Variants in PPP3CA observed in about 807,000 individuals in gnomAD.
The protein encoded by PPP3CA is protein phosphatase 3 catalytic subunit alpha.
In PPP3CA, 14 loss-of-function variants were observed where a neutral mutation model predicts 66.5. That is an observed-to-expected ratio of 0.21 (90% confidence interval 0.14 to 0.33). PPP3CA has a LOEUF of 0.33. Among genes scored for constraint, PPP3CA ranks in the 10% least tolerant of loss-of-function variants. PPP3CA has a pLI of 1.00. For synonymous variants in PPP3CA, 232 were observed against 226.2 expected, an observed-to-expected ratio of 1.03 and a Z score of -0.23; for missense variants, 317 against 639.5, an observed-to-expected ratio of 0.50 and a Z score of 5.44.
In PPP3CA at chr4:101,256,204, T is replaced by A. The variant is rs955566231; in HGVS notation, c.59-60088A>T. On this transcript the variant is annotated intron_variant, in intron 1 of 13. Coordinates refer to ENST00000394854, the MANE Select transcript of PPP3CA (RefSeq NM_000944.5). The stretch of plus-strand genomic sequence containing the variant: ...TGCTATTAGCACAATAAAAATGCTA[T>A]ATTAGTTTGCTCTCTGAATAGAGTC... 2.0e-5 allele frequency among the ~76,000 whole-genome samples: 3 copies of A among 151,692 alleles called. No individual in the cohort carries two copies. The South Asian group carries it at 6.2e-4, about 31-fold the overall frequency.
chr4:101,251,688 A>G (rs1406604420), intron 1 of PPP3CA, among the ~76,000 whole-genome samples: 1 of 152,136 alleles, frequency 6.6e-6, no homozygotes, highest in Non-Finnish European at 1.5e-5. Flanking sequence ...ATACTAACCA[A>G]TTACAACTAT....
intron 1 of PPP3CA, 129 bp downstream of exon 1, chr4:101,346,610 A>G: frequency 1.2e-6 from 1 of 807,492 alleles, no homozygotes; most frequent in South Asian, 1.7e-5. Flanking sequence ...ACAATATCCT[A>G]GAAGGTCCGC....
At chr4:101,044,745 T>C (rs1185363151) in intron 10 of PPP3CA, among the ~76,000 whole-genome samples, 1 of 152,160 alleles carries the variant, frequency 6.6e-6, no homozygotes, top group Non-Finnish European at 1.5e-5. Context: ...TTCCTCAACA[T>C]GGGGGAGGCT....
intron 1 of PPP3CA, among the ~76,000 whole-genome samples, chr4:101,224,112 G>T (rs184294308): frequency 6.6e-6 from 1 of 151,862 alleles, no homozygotes; most frequent in African/African-American, 2.4e-5. Context: ...CATGTTGGGT[G>T]ACCACAAATT....
chr4:101,295,024 G>A lies in PPP3CA; in HGVS notation c.58+51715C>T, dbSNP rs576844020. 6.4e-4 allele frequency among the ~76,000 whole-genome samples: 97 copies of A among 152,188 alleles called. 1 individual carries two copies. The highest frequency in any genetic ancestry group is 3.4e-3 in the Middle Eastern group (1 of 294). Reference sequence around the variant, plus strand: ...GTGTGAAAGTATATTCACTCGGGCCGGGCGCGGTGGCTCACGCCTGTAATC... The same window carrying A: ...GTGTGAAAGTATATTCACTCGGGCCAGGCGCGGTGGCTCACGCCTGTAATC... On this transcript the variant is annotated intron_variant, in intron 1 of 13. Coordinates refer to ENST00000394854, the MANE Select transcript of PPP3CA (RefSeq NM_000944.5).
intron 2 of PPP3CA, among the ~76,000 whole-genome samples, chr4:101,141,377 C>A (rs542985953): frequency 1.3e-5 from 2 of 152,138 alleles, no homozygotes; most frequent in Non-Finnish European, 2.9e-5. Flanking sequence ...CTCAAAAAAA[C>A]AAACAAAAAA....
chr4:101,156,286 C>T (rs1022715320), intron 2 of PPP3CA, among the ~76,000 whole-genome samples: 1 of 151,778 alleles, frequency 6.6e-6, no homozygotes, highest in Non-Finnish European at 1.5e-5. Context: ...CATGTGAAGC[C>T]CAGAAGGCAT....
chr4:101,151,589 T>C (rs1415120811), intron 2 of PPP3CA, among the ~76,000 whole-genome samples: 2 of 150,566 alleles, frequency 1.3e-5, no homozygotes, highest in South Asian at 2.1e-4. Context: ...TTTACTCTCA[T>C]TTCATTTTTC....
rs550200281 is a variant in PPP3CA at position 101,338,350 on chromosome 4, A to C, written c.58+8389T>G. Among the ~76,000 whole-genome samples the C allele has an allele frequency of 2.6e-5, 4 of 152,354 alleles. No homozygotes were observed. The South Asian group carries it at 8.3e-4, about 32-fold the overall frequency. On this transcript the variant is annotated intron_variant, in intron 1 of 13. Coordinates refer to ENST00000394854, the MANE Select transcript of PPP3CA (RefSeq NM_000944.5). Reference sequence around the variant, plus strand: ...CAAAGACTGGAGCTTACAAGTCAAGACTCATCAGACATTTGTGTACTGATC... The same window carrying C: ...CAAAGACTGGAGCTTACAAGTCAAGCCTCATCAGACATTTGTGTACTGATC...
At chr4:101,139,024 C>T (rs1722711976) in intron 2 of PPP3CA, among the ~76,000 whole-genome samples, 1 of 152,032 alleles carries the variant, frequency 6.6e-6, no homozygotes, top group Non-Finnish European at 1.5e-5. Flanking sequence ...AGTAAACAAT[C>T]CAAGTATTTT....
At chr4:101,335,529 G>A (rs1197613033) in intron 1 of PPP3CA, among the ~76,000 whole-genome samples, 1 of 146,638 alleles carries the variant, frequency 6.8e-6, no homozygotes, top group African/African-American at 2.8e-5. Flanking sequence ...GTTAAAACGC[G>A]TCTGCTATCT....
In PPP3CA at chr4:101,280,676, C is replaced by T. The variant is rs192808334; in HGVS notation, c.58+66063G>A. On this transcript the variant is annotated intron_variant, in intron 1 of 13. Coordinates refer to ENST00000394854, the MANE Select transcript of PPP3CA (RefSeq NM_000944.5). ...CTCTACTAAAAATACAAAAATTAGC[C>T]GGGCATGGTGGCATGCACCTGCAGT... 3.8e-4 allele frequency among the ~76,000 whole-genome samples: 58 copies of T among 152,000 alleles called. 1 individual carries two copies. The highest frequency in any genetic ancestry group is 1.2e-3 in the South Asian group (6 of 4,812).
chr4:101,322,535 C>G (rs1416778740), intron 1 of PPP3CA, among the ~76,000 whole-genome samples: 2 of 151,846 alleles, frequency 1.3e-5, no homozygotes, highest in African/African-American at 4.8e-5. Flanking sequence ...CTCAGCCTCC[C>G]AAGTAGCTGG....
At chr4:101,124,711 AAG>A (rs1491305493) in intron 2 of PPP3CA, among the ~76,000 whole-genome samples, 9 of 97,560 alleles carry the variant, frequency 9.2e-5, no homozygotes, top group African/African-American at 3.2e-4. Context: ...GAAAGAAAGA[AAG>A]AAAGAAAGAA....
intron 1 of PPP3CA, among the ~76,000 whole-genome samples, chr4:101,261,567 C>G (rs1364104263): frequency 6.6e-6 from 1 of 151,938 alleles, no homozygotes; most frequent in Non-Finnish European, 1.5e-5. Context: ...TAACTCTTTT[C>G]AGCAAATCAG....
At chr4:101,179,182 AG>A (rs1452802402) in intron 2 of PPP3CA, among the ~76,000 whole-genome samples, 1 of 152,096 alleles carries the variant, frequency 6.6e-6, no homozygotes, top group Non-Finnish European at 1.5e-5. Context: ...AGAGGTGTCC[AG>A]GTCATCACAA....
At chr4:101,202,716 G>A (rs114303952) in intron 1 of PPP3CA, among the ~76,000 whole-genome samples, 2,155 of 152,220 alleles carry the variant, frequency 0.014, 50 homozygotes, top group African/African-American at 0.049. Flanking sequence ...CTCAAGTATG[G>A]TTAAATATTA....
chr4:101,224,728 G>A (rs920984609), intron 1 of PPP3CA, among the ~76,000 whole-genome samples: 2 of 151,790 alleles, frequency 1.3e-5, no homozygotes, highest in Non-Finnish European at 2.9e-5. Context: ...TCGGGGCAGG[G>A]GGGATGGTGC....
chr4:101,037,648 T>G (rs1170194967), intron 11 of PPP3CA, among the ~76,000 whole-genome samples: 1 of 152,168 alleles, frequency 6.6e-6, no homozygotes, highest in Non-Finnish European at 1.5e-5. Context: ...ATACGTCACC[T>G]TGCTAGCCAA....
Sources: gnomAD v4.1 joint callset for allele counts (sites outside exome capture counted in the v4.1 genomes callset) on GRCh38, gnomAD v4.1.1 for gene constraint, MANE v1.5 for transcripts, NCBI Gene and HGNC (gene_info 2026-07-23, HGNC 2026-07-21) for gene names.